TFPI: variants seen among roughly 807,000 people sequenced by gnomAD.
The protein encoded by TFPI is anti-convertin.
In TFPI, 15 loss-of-function variants were observed where a neutral mutation model predicts 34.6. The ratio of observed to expected loss-of-function variants is 0.43; its 90% CI spans 0.29 to 0.67. The LOEUF (loss-of-function observed/expected upper bound fraction) is 0.67. TFPI is among the 30% of genes least tolerant of loss of function. The pLI, the probability that TFPI is intolerant of heterozygous loss-of-function variation, is 0.15. For synonymous variants in TFPI, 105 were observed against 120.1 expected (o/e 0.87, Z 0.82); for missense variants, 301 against 364.0 (o/e 0.83, Z 1.41).
At chr2:187,491,511 A>G (rs2106052594) in intron 3 of TFPI, among the ~76,000 whole-genome samples, 1 of 152,244 alleles carries the variant, frequency 6.6e-6, no homozygotes, top group Admixed American at 6.5e-5. Flanking sequence ...ATGCTGCTAT[A>G]AAAGACATGA....
chr2:187,505,450 C>A (rs568075165), intron 1 of TFPI, among the ~76,000 whole-genome samples: 2 of 152,210 alleles, frequency 1.3e-5, no homozygotes, highest in South Asian at 4.1e-4. Context: ...CAAGGGCAGG[C>A]TTGCATTAGT....
At chr2:187,537,994 T>A (rs925227927) in intron 1 of TFPI, among the ~76,000 whole-genome samples, 3 of 152,366 alleles carry the variant, frequency 2.0e-5, no homozygotes, top group East Asian at 3.9e-4. Flanking sequence ...AAGCTCATTA[T>A]CACTGGTCAT....
chr2:187,552,078 C>T (rs1178269642), intron 1 of TFPI, among the ~76,000 whole-genome samples: 1 of 151,682 alleles, frequency 6.6e-6, no homozygotes, highest in East Asian at 1.9e-4. Context: ...TTTGAAAATC[C>T]TAGTCTAAGT....
intron 6 of TFPI, among the ~76,000 whole-genome samples, chr2:187,475,270 C>T (rs533583768): frequency 1.3e-5 from 2 of 152,162 alleles, no homozygotes; most frequent in East Asian, 3.9e-4. Flanking sequence ...TGTATATGTC[C>T]TTCAATTAGT....
intron 1 of TFPI, chr2:187,516,777 G>GTT (rs1218440205): frequency 6.6e-6 from 1 of 152,156 alleles, no homozygotes; most frequent in Non-Finnish European, 1.5e-5. Flanking sequence ...AACCGGTTAC[G>GTT]TTATCTATAG....
At chr2:187,508,337 T>C (rs1212149771) in intron 1 of TFPI, among the ~76,000 whole-genome samples, 1 of 152,222 alleles carries the variant, frequency 6.6e-6, no homozygotes, top group African/African-American at 2.4e-5. Context: ...GTTTGTTTTT[T>C]CTAATTTTGT....
intron 1 of TFPI, among the ~76,000 whole-genome samples, chr2:187,511,565 G>A (rs1192084746): frequency 6.6e-6 from 1 of 152,156 alleles, no homozygotes; most frequent in Non-Finnish European, 1.5e-5. Flanking sequence ...GGAGATTATG[G>A]TGTTACTCTG....
intron 3 of TFPI, among the ~76,000 whole-genome samples, chr2:187,495,936 TAA>T (rs544150327): frequency 6.8e-6 from 1 of 146,986 alleles, no homozygotes; most frequent in Non-Finnish European, 1.5e-5. Context: ...AGCCTGACAT[TAA>T]AAAAAAAACA....
In TFPI at chr2:187,466,610, T is replaced by C. The variant is rs1037280577; in HGVS notation, c.*326A>G. The C allele has an allele frequency of 5.4e-6, 1 of 185,690 alleles. No individual in the cohort carries two copies. Among genetic ancestry groups the C allele is most frequent in the African/African-American group, 2.4e-5 (1 of 41,696 alleles). The allele number at this position is 185,690 out of a possible 1,614,324, so 11.5% of individuals were successfully genotyped here. ...GATAATCATTTACATGATCATATTC[T>C]CAAACAGATGGTCACCAAATGGAAT... On this transcript the variant is annotated 3_prime_UTR_variant, in exon 8 of 8. Coordinates refer to ENST00000233156, the MANE Select transcript of TFPI (RefSeq NM_006287.6).
At chr2:187,478,883 G>C (rs879008401) in intron 6 of TFPI, 4 of 1,207,320 alleles carry the variant, frequency 3.3e-6, no homozygotes, top group Non-Finnish European at 3.6e-6. Context: ...TGAGGGTGGG[G>C]GAAGTCTATA....
At chr2:187,489,608 C>A (rs1396173228) in intron 3 of TFPI, among the ~76,000 whole-genome samples, 1 of 151,328 alleles carries the variant, frequency 6.6e-6, no homozygotes, top group East Asian at 1.9e-4. Context: ...GAACACTAAG[C>A]AATTTTCATT....
At chr2:187,476,379 A>T (rs533946344) in intron 6 of TFPI, among the ~76,000 whole-genome samples, 46 of 152,294 alleles carry the variant, frequency 3.0e-4, no homozygotes, top group African/African-American at 1.1e-3. Context: ...TCTTGCTGTC[A>T]TCCAGGCTGG....
chr2:187,543,590 A>T (rs963425618), intron 1 of TFPI, among the ~76,000 whole-genome samples: 7 of 152,228 alleles, frequency 4.6e-5, no homozygotes, highest in Non-Finnish European at 1.0e-4. Context: ...TCTCTGCTAC[A>T]TTAGAGAGTG....
In TFPI at chr2:187,467,923, C is replaced by G; in HGVS notation, c.638G>C (p.Gly213Ala). 6.4e-7 allele frequency: 1 copy of G among 1,566,626 alleles called. No individual in the cohort carries two copies. Among genetic ancestry groups the G allele is most frequent in the South Asian group, 1.2e-5 (1 of 82,544 alleles). The part of the protein sequence containing the change: ...TKVPSLFEFH[G>A]PSWCLTPADR... Reference sequence around the variant, plus strand: ...TGCTGGAGTGAGACACCATGAGGGACCGTGAAATTCTAAAAACAATCAGGA... The same window carrying G: ...TGCTGGAGTGAGACACCATGAGGGAGCGTGAAATTCTAAAAACAATCAGGA... Residue 213 changes from glycine (G) to alanine (A), a missense_variant, in exon 7 of 8, where the codon GGT becomes GCT. Physicochemically the swap from Gly to Ala is moderately conservative, Grantham distance 60. Transcript: ENST00000233156.
chr2:187,507,676 A>T (rs1236040852), intron 1 of TFPI, among the ~76,000 whole-genome samples: 1 of 151,714 alleles, frequency 6.6e-6, no homozygotes, highest in Non-Finnish European at 1.5e-5. Flanking sequence ...TTTCTTGTAC[A>T]TTTGTTTAAG....
At chr2:187,538,341 C>T (rs1228757183) in intron 1 of TFPI, among the ~76,000 whole-genome samples, 1 of 152,146 alleles carries the variant, frequency 6.6e-6, no homozygotes, top group Non-Finnish European at 1.5e-5. Context: ...AACCCAAATG[C>T]CTGACAATGA....
In TFPI at chr2:187,496,945, C is replaced by A; in HGVS notation, c.255G>T (p.Gly85=). 6.2e-7 allele frequency: 1 copy of A among 1,613,302 alleles called. No homozygotes were observed. The highest frequency in any genetic ancestry group is 8.5e-7 in the Non-Finnish European group (1 of 1,179,488). The change falls in exon 3 of 8, where the codon GGG becomes GGT. Residue 85 remains glycine, a synonymous_variant. Transcript: ENST00000233156. ...FTRQCEEFIY[G]GCEGNQNRFE... is the part of the protein sequence containing the mutation. ...ATCGATTCTGATTTCCTTCACATCC[C>A]CCATATATAAATTCTTCGCACTGTC...
intron 4 of TFPI, 55 bp downstream of exon 4, chr2:187,488,282 A>G: frequency 7.0e-7 from 1 of 1,437,050 alleles, no homozygotes; most frequent in Non-Finnish European, 9.5e-7. Flanking sequence ...CAAAAAATTG[A>G]ATATCTAAAT....
intron 1 of TFPI, among the ~76,000 whole-genome samples, chr2:187,540,705 A>G (rs1166252156): frequency 6.6e-6 from 1 of 152,036 alleles, no homozygotes; most frequent in African/African-American, 2.4e-5. Context: ...AGCTTGCCCA[A>G]TGTTGTGAAA....
Sources: gnomAD v4.1 joint callset for allele counts (sites outside exome capture counted in the v4.1 genomes callset) on GRCh38, gnomAD v4.1.1 for gene constraint, MANE v1.5 for transcripts, NCBI Gene and HGNC (gene_info 2026-07-23, HGNC 2026-07-21) for gene names.